Variants in TRPM3 observed in about 807,000 individuals in gnomAD.
The protein encoded by TRPM3 is long transient receptor potential channel 3.
A neutral mutation model predicts 181.2 loss-of-function variants in TRPM3; 77 were observed. The observed-to-expected ratio is 0.42, with a 90% CI of 0.35 to 0.51. The LOEUF is 0.51. Among genes scored for constraint, TRPM3 ranks in the 20% least tolerant of loss-of-function variants. The probability of loss-of-function intolerance (pLI) is 0.01; values close to 1 mark genes in which losing one functional copy is unlikely to be tolerated. For synonymous variants in TRPM3, 745 were observed against 796.4 expected (o/e 0.94, Z 1.09); for missense variants, 1,759 against 2,196.7 (o/e 0.80, Z 3.98).
chr9:71,128,205 G>A (rs541485390), intron 1 of TRPM3, among the ~76,000 whole-genome samples: 1 of 152,244 alleles, frequency 6.6e-6, no homozygotes, highest in East Asian at 1.9e-4. Flanking sequence ...GGTTATGAGA[G>A]GGAATCATAT....
At chr9:70,827,108 C>T (rs1237084608) in intron 6 of TRPM3, 2 of 152,208 alleles carry the variant, frequency 1.3e-5, no homozygotes, top group Non-Finnish European at 2.9e-5. Flanking sequence ...CTATCTATAT[C>T]TAAATCCATA....
At chr9:71,426,786 C>A (rs552772184) in intron 1 of TRPM3, among the ~76,000 whole-genome samples, 55 of 151,924 alleles carry the variant, frequency 3.6e-4, no homozygotes, top group Non-Finnish European at 2.2e-4. Flanking sequence ...TTACACTGTG[C>A]TAAAAGTTGT....
intron 1 of TRPM3, among the ~76,000 whole-genome samples, chr9:71,420,845 A>AGAGAGAAAGAG (rs1350516659): frequency 0.11 from 153 of 1,370 alleles, 67 homozygotes; most frequent in Non-Finnish European, 0.11. Context: ...AAGAGAGAGG[A>AGAGAGAAAGAG]AGAGAGAGAG....
intron 25 of TRPM3, among the ~76,000 whole-genome samples, chr9:70,544,315 CT>C: frequency 6.6e-6 from 1 of 151,986 alleles, no homozygotes; most frequent in Non-Finnish European, 1.5e-5. Context: ...TTTTTGATTG[CT>C]TACAAAAGAT....
intron 9 of TRPM3, among the ~76,000 whole-genome samples, chr9:70,662,957 C>T (rs2061333425): frequency 6.6e-6 from 1 of 152,024 alleles, no homozygotes; most frequent in African/African-American, 2.4e-5. Context: ...TATTACAGCA[C>T]AATTCGCAAT....
intron 1 of TRPM3, among the ~76,000 whole-genome samples, chr9:71,395,516 T>A (rs986341529): frequency 7.9e-5 from 12 of 152,350 alleles, no homozygotes; most frequent in African/African-American, 2.9e-4. Flanking sequence ...AGCTGCCCTG[T>A]GGAAGAGTTA....
intron 1 of TRPM3, among the ~76,000 whole-genome samples, chr9:71,034,753 A>ATT (rs201429802): frequency 7.3e-6 from 1 of 136,622 alleles, no homozygotes; most frequent in Non-Finnish European, 1.6e-5. Flanking sequence ...GGTCTTTACT[A>ATT]TTTTTTTTTT....
chr9:70,542,256 G>A (rs1279100134), intron 25 of TRPM3, among the ~76,000 whole-genome samples: 1 of 152,170 alleles, frequency 6.6e-6, no homozygotes, highest in Non-Finnish European at 1.5e-5. Flanking sequence ...GATAAAAATG[G>A]AGATATATAT....
At position 71,304,204 on chromosome 9, in the gene TRPM3, A is replaced by G. The variant is rs150324931; in HGVS notation, c.183+142449T>C. On this transcript the variant is annotated intron_variant, in intron 1 of 24. Transcript: ENST00000357533. ...AGAGATAGTAATATTATATACTTATACTATTTTATTGCAGTCATGCTGAAT... is the reference window on the plus strand; with the variant it reads ...AGAGATAGTAATATTATATACTTATGCTATTTTATTGCAGTCATGCTGAAT... Among the ~76,000 whole-genome samples, 701 of 152,332 alleles carry G rather than the reference A, an allele frequency of 4.6e-3. 5 individuals are homozygous for G. The highest frequency in any genetic ancestry group is 0.016 in the African/African-American group (670 of 41,572).
intron 1 of TRPM3, among the ~76,000 whole-genome samples, chr9:71,286,297 G>A (rs1248110738): frequency 2.6e-5 from 4 of 152,152 alleles, no homozygotes; most frequent in Admixed American, 6.5e-5. Flanking sequence ...AAGCTAAACC[G>A]GGGGAGGGCA....
chr9:70,946,344 G>C (rs1453343024), intron 1 of TRPM3, among the ~76,000 whole-genome samples: 1 of 151,992 alleles, frequency 6.6e-6, no homozygotes, highest in East Asian at 1.9e-4. Flanking sequence ...CCTTAGGCAG[G>C]CTGAGTTAAA....
intron 1 of TRPM3, among the ~76,000 whole-genome samples, chr9:71,315,014 C>G (rs2088421016): frequency 6.6e-6 from 1 of 152,256 alleles, no homozygotes; most frequent in South Asian, 2.1e-4. Context: ...CTTGGCCACA[C>G]TAAGTCTCAG....
intron 5 of TRPM3, among the ~76,000 whole-genome samples, chr9:70,833,679 G>T (rs1297314625): frequency 6.6e-6 from 1 of 152,192 alleles, no homozygotes; most frequent in Non-Finnish European, 1.5e-5. Context: ...TAAATTTGTA[G>T]AGGATATTAG....
intron 6 of TRPM3, 114 bp downstream of exon 6, chr9:70,827,733 T>C: frequency 7.6e-7 from 1 of 1,307,554 alleles, no homozygotes. Context: ...GAAATAATGG[T>C]TCATGTTTAA....
chr9:71,263,780 CCTT>C (rs1352671418), intron 1 of TRPM3, among the ~76,000 whole-genome samples: 7 of 151,972 alleles, frequency 4.6e-5, no homozygotes, highest in African/African-American at 7.2e-5. Flanking sequence ...TATTCTTTTT[CCTT>C]CTTCTTTTTA....
intron 1 of TRPM3, among the ~76,000 whole-genome samples, chr9:70,976,880 C>T (rs2097307902): frequency 6.6e-6 from 1 of 152,140 alleles, no homozygotes; most frequent in Non-Finnish European, 1.5e-5. Flanking sequence ...GAACAAAGGA[C>T]ACCAGGTGCT....
At chr9:70,624,567 A>G (rs2064184397) in intron 14 of TRPM3, among the ~76,000 whole-genome samples, 2 of 152,188 alleles carry the variant, frequency 1.3e-5, no homozygotes, top group Admixed American at 1.3e-4. Flanking sequence ...CAAAAAAATG[A>G]TATTTACAAT....
chr9:70,596,596 T>A (rs2059068520), intron 21 of TRPM3, among the ~76,000 whole-genome samples: 1 of 151,548 alleles, frequency 6.6e-6, no homozygotes, highest in Non-Finnish European at 1.5e-5. Flanking sequence ...CCTGGCGTGG[T>A]GGCAGGTGAC....
In TRPM3 at chr9:70,537,363, T is replaced by C. The variant is rs780702106; in HGVS notation, c.3750A>G (p.Arg1250=). 1 of 1,494,942 alleles carries C rather than the reference T, an allele frequency of 6.7e-7. No individual in the cohort carries two copies. Among genetic ancestry groups the C allele is most frequent in the East Asian group, 2.3e-5 (1 of 43,262 alleles). The allele number at this position is 1,494,942 out of a possible 1,614,324, so 92.6% of individuals were successfully genotyped here. A position where few individuals can be genotyped will look rare whatever the true frequency, so the allele number is the denominator to read the frequency against. The change falls in exon 26 of 26, where the codon AGA becomes AGG. Residue 1250 remains arginine (R), a synonymous_variant. Transcript: ENST00000677713. ...GGAGTGAAGCCTTCATGGAGTGCTC[T>C]CTCTCGTTGACTTCCTCCAGCCGCA... ...MSMRLEEVNE[R]EHSMKASLQT...
Sources: gnomAD v4.1 joint callset for allele counts (sites outside exome capture counted in the v4.1 genomes callset) on GRCh38, gnomAD v4.1.1 for gene constraint, MANE v1.5 for transcripts, NCBI Gene and HGNC (gene_info 2026-07-23, HGNC 2026-07-21) for gene names.